The following GAREM2 variants were observed in gnomAD, a reference collection of about 807,000 sequenced individuals.
The protein encoded by GAREM2 is GRB2-associated and regulator of MAPK protein 2.
A neutral mutation model predicts 55.6 loss-of-function variants in GAREM2; 30 were observed. That is an observed-to-expected ratio of 0.54 (90% confidence interval 0.40 to 0.73). The LOEUF (loss-of-function observed/expected upper bound fraction) is 0.73. Ranked by LOEUF, GAREM2 falls within the 30% of genes least tolerant of loss-of-function variation. The pLI is 0.00. For synonymous variants in GAREM2, 550 were observed against 569.1 expected, an observed-to-expected ratio of 0.97 and a Z score of 0.48; for missense variants, 1,075 against 1,257.7, an observed-to-expected ratio of 0.85 and a Z score of 2.20.
chr2:26,176,214 TG>T, intron 1 of GAREM2, 129 bp from the exon 2 acceptor site: 12 of 860,482 alleles, frequency 1.4e-5, no homozygotes, highest in Non-Finnish European at 2.0e-5. Context: ...TTTGCTGACC[TG>T]GACAGGGATT....
Position 26,176,448 on chromosome 2 carries a change from A to T in GAREM2, c.217A>T (p.Ile73Phe). 6.5e-7 allele frequency: 1 copy of T among 1,549,632 alleles called. No homozygotes were observed. Among genetic ancestry groups the T allele is most frequent in the East Asian group, 2.5e-5 (1 of 40,786 alleles). The change falls in exon 2 of 6, where the codon ATC becomes TTC. Residue 73 changes from isoleucine (I) to phenylalanine (F), a missense_variant. Physicochemically the swap from Ile to Phe is conservative, Grantham distance 21. This residue lies in a region of GAREM2 where 230 missense variants were observed against 310.6 expected (regional missense o/e 0.74). Transcript: ENST00000401533. ...AHTLEEGHYVIGPKIDIPLQY... is the reference protein window; with the variant it reads ...AHTLEEGHYVFGPKIDIPLQY... ...TACCCTGGAGGAGGGCCACTATGTCATCGGGCCCAAGATCGACATCCCCCT... is the reference window on the plus strand; with the variant it reads ...TACCCTGGAGGAGGGCCACTATGTCTTCGGGCCCAAGATCGACATCCCCCT...
the GAREM2 span, among the ~76,000 whole-genome samples, chr2:26,198,382 T>G: frequency 6.7e-6 from 1 of 148,760 alleles, no homozygotes; most frequent in African/African-American, 2.5e-5. Context: ...TTTTTTTTGT[T>G]TTTTTTTTTT....
the GAREM2 span, chr2:26,197,878 T>A: frequency 1.3e-5 from 10 of 755,932 alleles, no homozygotes; most frequent in Non-Finnish European, 1.7e-5. Flanking sequence ...GCCCACTCTG[T>A]CCCCCACAAC....
At position 26,179,006 on chromosome 2, in the gene GAREM2, G is replaced by A. The variant is rs2147725290; in HGVS notation, c.253+2522G>A. ...TTTCTCCTAATGAATTAATAATGGC[G>A]CTCGGGCGGGCGGGGGTGGCCGGCT... On this transcript the variant is annotated intron_variant, in intron 2 of 5. Transcript: ENST00000401533. The surrounding 1 kb of genome is among the most constrained non-coding windows in gnomAD (Gnocchi z 4.7). 6.6e-6 allele frequency among the ~76,000 whole-genome samples: 1 copy of A among 152,086 alleles called. No individual in the cohort carries two copies. Among genetic ancestry groups the A allele is most frequent in the East Asian group, 1.9e-4 (1 of 5,178 alleles).
chr2:26,173,344 G>A lies in GAREM2; in HGVS notation c.112+12G>A. On this transcript the variant is annotated intron_variant, in intron 1 of 5. Coordinates refer to ENST00000401533, the MANE Select transcript of GAREM2 (RefSeq NM_001168241.2). ...CTGCCTTGGGCCAGGTACCGGGGTCGCTGGAGATGGGGACCGGGGTCCGCG... is the reference window on the plus strand; with the variant it reads ...CTGCCTTGGGCCAGGTACCGGGGTCACTGGAGATGGGGACCGGGGTCCGCG... The A allele has an allele frequency of 3.0e-6, 4 of 1,342,760 alleles. No individual in the cohort carries two copies. Among genetic ancestry groups the A allele is most frequent in the South Asian group, 3.3e-5 (2 of 61,176 alleles). 83.2% of individuals were successfully genotyped at this position (1,342,760 alleles called of 1,614,324 possible).
In GAREM2 at chr2:26,173,289, C is replaced by A. The variant is rs1202467038; in HGVS notation, c.69C>A (p.Ile23=). The A allele has an allele frequency of 7.0e-7, 1 of 1,436,926 alleles. No homozygotes were observed. The highest frequency in any genetic ancestry group is 2.4e-5 in the Admixed American group (1 of 41,634). 89.0% of individuals were successfully genotyped at this position (1,436,926 alleles called of 1,614,324 possible). ...WSMGAFPLDL[I]VSRCRLPTLA... ...TGGGCGCCTTCCCGCTCGACCTCAT[C>A]GTCAGCCGCTGCCGCCTGCCCACGC... The change falls in exon 1 of 6, where the codon ATC becomes ATA. Residue 23 remains isoleucine, a synonymous_variant. Transcript: ENST00000401533.
chr2:26,175,528 TG>T (rs78349577), intron 1 of GAREM2, among the ~76,000 whole-genome samples: 19,339 of 151,942 alleles, frequency 0.13, 2,782 homozygotes, highest in East Asian at 0.76. Flanking sequence ...GAGATGGGGT[TG>T]GGGGTTTCTG....
At chr2:26,193,492 A>T, downstream of GAREM2, 1 of 1,134,302 alleles carries the variant, frequency 8.8e-7, no homozygotes, top group East Asian at 2.3e-5. Flanking sequence ...TTCTTCCACG[A>T]GGGCTTCTGT....
At chr2:26,198,911 T>G in the GAREM2 span, among the ~76,000 whole-genome samples, 2 of 151,798 alleles carry the variant, frequency 1.3e-5, no homozygotes, top group African/African-American at 4.8e-5. Context: ...TTTTTTTTTT[T>G]GGAGACAAAG....
rs1574585193 is a variant in GAREM2, at chr2:26,176,555, T to C, written c.253+71T>C. 5 of 1,332,968 alleles carry C rather than the reference T, an allele frequency of 3.8e-6. No individual in the cohort carries two copies. The East Asian group carries it at 1.5e-4, about 39-fold the overall frequency. The allele number at this position is 1,332,968 out of a possible 1,614,324, so 82.6% of individuals were successfully genotyped here. On this transcript the variant is annotated intron_variant, in intron 2 of 5. Transcript: ENST00000401533. ...AGGCAGGAGGGACTGGGGCCAGGGGTAGGGGGAACGCTGGGACTAGCGAGG... is the reference window on the plus strand; with the variant it reads ...AGGCAGGAGGGACTGGGGCCAGGGGCAGGGGGAACGCTGGGACTAGCGAGG...
At chr2:26,183,570 TA>T (rs1274102857) in intron 3 of GAREM2, among the ~76,000 whole-genome samples, 1 of 151,998 alleles carries the variant, frequency 6.6e-6, no homozygotes, top group Non-Finnish European at 1.5e-5. Context: ...CAAAAAATGT[TA>T]AAAAATTAGC....
downstream of GAREM2, chr2:26,192,299 A>G: frequency 7.2e-7 from 1 of 1,383,356 alleles, no homozygotes. Context: ...TAGCCACTCA[A>G]ACGGACTTAC....
chr2:26,191,124 G>C (rs1027130042), downstream of GAREM2: 5 of 939,904 alleles, frequency 5.3e-6, no homozygotes, highest in South Asian at 6.9e-5. Flanking sequence ...CTTTAATCAG[G>C]GAGCAAACCC....
At chr2:26,200,548 T>G in the GAREM2 span, among the ~76,000 whole-genome samples, 1 of 152,204 alleles carries the variant, frequency 6.6e-6, no homozygotes, top group Admixed American at 6.5e-5. Context: ...GGCTTTCGGC[T>G]AACCAAAAAA....
downstream of GAREM2, among the ~76,000 whole-genome samples, chr2:26,192,757 A>G (rs1669547375): frequency 6.6e-6 from 1 of 152,130 alleles, no homozygotes; most frequent in Non-Finnish European, 1.5e-5. Context: ...AAAACAAACA[A>G]AAAAGACCCT....
At chr2:26,192,198 G>A (rs1040613291), downstream of GAREM2, 23 of 682,288 alleles carry the variant, frequency 3.4e-5, no homozygotes, top group Non-Finnish European at 4.8e-5. Flanking sequence ...ACCTGCACAT[G>A]TATCCCAGGA....
In GAREM2 at chr2:26,183,094, C is replaced by G. The variant is rs1669106521; in HGVS notation, c.381C>G (p.Val127=). Residue 127 remains valine, a synonymous_variant, in exon 3 of 6, where the codon GTC becomes GTG. Transcript: ENST00000401533. ...TGATGGAAGCCATCACCTTCAGCGT[C>G]AAGGTCAGTCACTCCCTCACCAGGT... ...IFVMEAITFS[V]KVVSGEFSED... 5 of 1,551,574 alleles carry G rather than the reference C, an allele frequency of 3.2e-6. No homozygotes were observed. The highest frequency in any genetic ancestry group is 4.4e-6 in the Non-Finnish European group (5 of 1,146,974).
At chr2:26,201,401 G>T in the GAREM2 span, 1 of 937,616 alleles carries the variant, frequency 1.1e-6, no homozygotes, top group Non-Finnish European at 1.7e-6. Flanking sequence ...GAGCACACCT[G>T]TGTTTTTCAC....
intron 2 of GAREM2, among the ~76,000 whole-genome samples, chr2:26,176,932 C>T (rs1326439800): frequency 6.6e-6 from 1 of 152,144 alleles, no homozygotes; most frequent in Non-Finnish European, 1.5e-5. Flanking sequence ...CCGCGCTGAT[C>T]CTGTTTTTCC....
Sources: gnomAD v4.1 joint callset for allele counts (sites outside exome capture counted in the v4.1 genomes callset) on GRCh38, gnomAD v4.1.1 for gene constraint, gnomAD v4.1.1 regional missense constraint, Gnocchi (gnomAD v3.1) non-coding constraint, MANE v1.5 for transcripts, NCBI Gene and HGNC (gene_info 2026-07-23, HGNC 2026-07-21) for gene names.